The following HCN1 variants were observed in gnomAD, a reference collection of about 807,000 sequenced individuals.
HCN1 encodes the protein hyperpolarization activated cyclic nucleotide gated potassium channel 1, also known as potassium/sodium hyperpolarization-activated cyclic nucleotide-gated channel 1.
In HCN1, 13 loss-of-function variants were observed where a neutral mutation model predicts 78.9. That is an observed-to-expected ratio of 0.16 (90% CI 0.11 to 0.26). The LOEUF is 0.26. Ranked by LOEUF, HCN1 falls within the 10% of genes least tolerant of loss-of-function variation. The pLI, the probability that HCN1 is intolerant of heterozygous loss-of-function variation, is 1.00. For synonymous variants in HCN1, 552 were observed against 455.5 expected (o/e 1.21, Z -2.70); for missense variants, 810 against 1,154.3 (o/e 0.70, Z 4.32).
intron 5 of HCN1, among the ~76,000 whole-genome samples, chr5:45,313,688 GA>G (rs1745910338): frequency 6.6e-6 from 1 of 152,178 alleles, no homozygotes; most frequent in Admixed American, 6.5e-5. Context: ...TGATGGAGCT[GA>G]AAACCATGGC....
rs1240740798 is a variant in HCN1 at position 45,682,582 on chromosome 5, C to T, written c.425+13087G>A. ...TATTAAGTGCCTACTTTATACTCTG[C>T]TTACTTCTAGCTTTGGGAGCCTGGG... On this transcript the variant is annotated intron_variant, in intron 1 of 7. Transcript: ENST00000303230. Among the ~76,000 whole-genome samples, 6 of 151,886 alleles carry T rather than the reference C, an allele frequency of 4.0e-5. No homozygotes were observed. In the East Asian group the frequency reaches 1.2e-3, roughly 29 times the overall value.
intron 2 of HCN1, among the ~76,000 whole-genome samples, chr5:45,635,012 A>G (rs1299828402): frequency 6.6e-6 from 1 of 152,074 alleles, no homozygotes; most frequent in Non-Finnish European, 1.5e-5. Flanking sequence ...TAGTTCCTGG[A>G]TTCTAAATTT....
intron 2 of HCN1, among the ~76,000 whole-genome samples, chr5:45,467,674 TTC>T (rs905265561): frequency 3.9e-5 from 6 of 152,028 alleles, no homozygotes; most frequent in Admixed American, 1.3e-4. Flanking sequence ...CAACAACCCA[TTC>T]TCTCTTTCTA....
intron 3 of HCN1, among the ~76,000 whole-genome samples, chr5:45,404,412 C>T (rs1739879683): frequency 6.6e-6 from 1 of 151,756 alleles, no homozygotes; most frequent in Non-Finnish European, 1.5e-5. Context: ...TAACAATGTA[C>T]CAACAAATTG....
At chr5:45,373,307 CTA>C (rs1491157062) in intron 4 of HCN1, among the ~76,000 whole-genome samples, 1 of 99,806 alleles carries the variant, frequency 1.0e-5, no homozygotes, top group African/African-American at 3.9e-5. Flanking sequence ...ATTTTATATA[CTA>C]TATATAAAAT....
chr5:45,695,953 C>G lies in HCN1; in HGVS notation c.141G>C (p.Gly47=). The G allele has an allele frequency of 7.5e-7, 1 of 1,334,936 alleles. No individual in the cohort carries two copies. Among genetic ancestry groups the G allele is most frequent in the South Asian group, 2.0e-5 (1 of 50,780 alleles). 82.7% of individuals were successfully genotyped at this position (1,334,936 alleles called of 1,614,324 possible). The change falls in exon 1 of 8, where the codon GGG becomes GGC. Residue 47 remains glycine (G), a synonymous_variant. Transcript: ENST00000303230. ...AGTTGCCGTGCTCCTTCGCGCCGGCCCCGCCGCCCCCCGGCGGGGTGCCCA... is the reference window on the plus strand; with the variant it reads ...AGTTGCCGTGCTCCTTCGCGCCGGCGCCGCCGCCCCCCGGCGGGGTGCCCA... ...KRLGTPPGGG[G]AGAKEHGNSV...
chr5:45,628,101 G>A (rs1286574091), intron 2 of HCN1, among the ~76,000 whole-genome samples: 2 of 152,194 alleles, frequency 1.3e-5, no homozygotes, highest in Non-Finnish European at 2.9e-5. Flanking sequence ...TCTACAGAGA[G>A]CACTGGAACA....
In HCN1 at chr5:45,311,144, C is replaced by T. The variant is rs150312610; in HGVS notation, c.1378-7305G>A. ...CATCTATTTAACAAACGTGCACATC[C>T]TGCACATGCACCCTTGAACTTAAAA... On this transcript the variant is annotated intron_variant, in intron 5 of 7. Transcript: ENST00000303230. Among the ~76,000 whole-genome samples, 357 of 152,262 alleles carry T rather than the reference C, an allele frequency of 2.3e-3. 2 individuals carry two copies. Among genetic ancestry groups the T allele is most frequent in the South Asian group, 5.4e-3 (26 of 4,828 alleles).
At chr5:45,645,100 A>T in intron 2 of HCN1, 85 bp downstream of exon 2, 1 of 979,100 alleles carries the variant, frequency 1.0e-6, no homozygotes, top group Non-Finnish European at 1.6e-6. Context: ...AAAACTCATT[A>T]CACATTGCAC....
intron 1 of HCN1, among the ~76,000 whole-genome samples, chr5:45,690,249 T>C (rs888808636): frequency 2.0e-5 from 3 of 152,054 alleles, no homozygotes; most frequent in Non-Finnish European, 4.4e-5. Context: ...AAATTATAAG[T>C]TGTAAATTTA....
intron 3 of HCN1, among the ~76,000 whole-genome samples, chr5:45,454,861 CTT>C (rs551864912): frequency 6.6e-6 from 1 of 152,094 alleles, no homozygotes; most frequent in African/African-American, 2.4e-5. Flanking sequence ...ATTCTCATTG[CTT>C]TTTTTCCAAA....
At chr5:45,427,028 A>G (rs915391268) in intron 3 of HCN1, among the ~76,000 whole-genome samples, 1 of 151,988 alleles carries the variant, frequency 6.6e-6, no homozygotes, top group East Asian at 1.9e-4. Context: ...TTTAATTCAT[A>G]ATACATACCT....
chr5:45,359,984 G>GT (rs1436793829), intron 4 of HCN1, among the ~76,000 whole-genome samples: 2 of 149,628 alleles, frequency 1.3e-5, no homozygotes, highest in African/African-American at 4.9e-5. Context: ...CAGTTTTTCA[G>GT]TTTTTTATAT....
rs563257037 is a variant in HCN1 at position 45,446,873 on chromosome 5, A to G, written c.1011+14973T>C. ...GTCACCACCAGGCCTGCCCTAAAAGAGCTCCTGAAGGAAGCACTAAACATG... is the reference window on the plus strand; with the variant it reads ...GTCACCACCAGGCCTGCCCTAAAAGGGCTCCTGAAGGAAGCACTAAACATG... On this transcript the variant is annotated intron_variant, in intron 3 of 7. Coordinates refer to ENST00000303230, the MANE Select transcript of HCN1 (RefSeq NM_021072.4). Among the ~76,000 whole-genome samples, 22 of 152,268 alleles carry G rather than the reference A, an allele frequency of 1.4e-4. 1 individual carries two copies. The highest frequency in any genetic ancestry group is 4.8e-4 in the African/African-American group (20 of 41,572).
chr5:45,689,807 G>T (rs1580051965), intron 1 of HCN1, among the ~76,000 whole-genome samples: 1 of 152,084 alleles, frequency 6.6e-6, no homozygotes, highest in Non-Finnish European at 1.5e-5. Flanking sequence ...AATATTATTA[G>T]ATTTGCTTTT....
intron 2 of HCN1, among the ~76,000 whole-genome samples, chr5:45,579,395 C>A (rs1744012823): frequency 6.6e-6 from 1 of 152,056 alleles, no homozygotes; most frequent in Admixed American, 6.6e-5. Flanking sequence ...CAGCTCAAGA[C>A]CAATCTCCAT....
chr5:45,475,311 G>A (rs1482140469), intron 2 of HCN1, among the ~76,000 whole-genome samples: 1 of 151,968 alleles, frequency 6.6e-6, no homozygotes, highest in African/African-American at 2.4e-5. Context: ...AATATTGATG[G>A]ATTGGAGGTA....
At chr5:45,391,074 T>TCAA (rs1454565707) in intron 4 of HCN1, among the ~76,000 whole-genome samples, 8,171 of 152,188 alleles carry the variant, frequency 0.054, 765 homozygotes, top group African/African-American at 0.19. Context: ...GTACATGCTG[T>TCAA]AGCCTAATAA....
chr5:45,463,715 A>T (rs1741211472), intron 2 of HCN1, among the ~76,000 whole-genome samples: 1 of 152,030 alleles, frequency 6.6e-6, no homozygotes, highest in South Asian at 2.1e-4. Flanking sequence ...ATAATAAAAA[A>T]GCTTTCTACT....
Sources: allele counts gnomAD v4.1 joint callset (sites outside exome capture counted in the v4.1 genomes callset), GRCh38; gene constraint gnomAD v4.1.1; transcripts MANE v1.5; gene names NCBI Gene and HGNC (gene_info 2026-07-23, HGNC 2026-07-21).